Variants in FGF12 observed in about 807,000 individuals in gnomAD.
FGF12 encodes the protein fibroblast growth factor 12B.
Under a neutral mutation model 23.6 loss-of-function variants are expected in FGF12, and 14 were observed. That is an observed-to-expected ratio of 0.59 (90% confidence interval 0.39 to 0.93). The LOEUF is 0.93. Ranked by LOEUF, FGF12 falls within the 40% of genes least tolerant of loss-of-function variation. FGF12 has a pLI of 0.00. For missense variants in FGF12, 175 were observed against 217.8 expected (o/e 0.80, Z 1.24); for synonymous variants, 62 against 77.3 (o/e 0.80, Z 1.04).
intron 2 of FGF12, among the ~76,000 whole-genome samples, chr3:192,437,622 C>T (rs1290269772): frequency 1.3e-5 from 2 of 151,886 alleles, no homozygotes; most frequent in African/African-American, 4.8e-5. Flanking sequence ...ACCCAGGAGG[C>T]GGAGGTTGCA....
chr3:192,588,785 C>T (rs1175618122), intron 2 of FGF12, among the ~76,000 whole-genome samples: 1 of 151,904 alleles, frequency 6.6e-6, no homozygotes, highest in Admixed American at 6.6e-5. Context: ...GTTCACTTTC[C>T]ACTACATTAA....
At chr3:192,353,752 T>C (rs1455145282) in intron 3 of FGF12, among the ~76,000 whole-genome samples, 1 of 152,168 alleles carries the variant, frequency 6.6e-6, no homozygotes, top group African/African-American at 2.4e-5. Context: ...GGAGGAGTTA[T>C]CCCCTTATGA....
chr3:192,150,353 C>A (rs1247694668), intron 5 of FGF12, among the ~76,000 whole-genome samples: 2 of 81,748 alleles, frequency 2.4e-5, no homozygotes, highest in African/African-American at 9.6e-5. Context: ...GCTTTTGTTG[C>A]CATTGCTTTT....
At chr3:192,447,969 C>G (rs536959767) in intron 2 of FGF12, among the ~76,000 whole-genome samples, 62 of 152,336 alleles carry the variant, frequency 4.1e-4, no homozygotes, top group African/African-American at 1.5e-3. Context: ...TTCTGAACTT[C>G]ACAGCCCTTT....
chr3:192,239,962 T>G (rs1448420806), intron 4 of FGF12, among the ~76,000 whole-genome samples: 2 of 152,148 alleles, frequency 1.3e-5, no homozygotes, highest in Non-Finnish European at 2.9e-5. Flanking sequence ...AAAGTTGTAT[T>G]AGACACTATG....
intron 4 of FGF12, among the ~76,000 whole-genome samples, chr3:192,254,932 T>G (rs1712286765): frequency 6.6e-6 from 1 of 152,082 alleles, no homozygotes; most frequent in African/African-American, 2.4e-5. Flanking sequence ...TTTGCTAAGT[T>G]TCAAAATGTT....
intron 5 of FGF12, among the ~76,000 whole-genome samples, chr3:192,149,020 G>A (rs1271883904): frequency 6.6e-6 from 1 of 152,194 alleles, no homozygotes; most frequent in Non-Finnish European, 1.5e-5. Flanking sequence ...ATTTGTGTCA[G>A]AGCTTGCTGA....
intron 4 of FGF12, among the ~76,000 whole-genome samples, chr3:192,325,571 T>C (rs1716776517): frequency 6.6e-6 from 1 of 152,142 alleles, no homozygotes; most frequent in African/African-American, 2.4e-5. Context: ...ATGCCTCAGA[T>C]TTCAGAACTT....
chr3:192,257,235 C>T (rs899495774), intron 4 of FGF12, among the ~76,000 whole-genome samples: 2 of 152,050 alleles, frequency 1.3e-5, no homozygotes, highest in Admixed American at 1.3e-4. Context: ...TATCAAAAGC[C>T]CTGTCAGAGT....
At chr3:192,632,709 A>C (rs1715434326) in intron 2 of FGF12, among the ~76,000 whole-genome samples, 1 of 152,236 alleles carries the variant, frequency 6.6e-6, no homozygotes, top group Non-Finnish European at 1.5e-5. Context: ...AAAAATCATC[A>C]TCCCCATTTT....
intron 2 of FGF12, among the ~76,000 whole-genome samples, chr3:192,371,387 G>A (rs1239167610): frequency 6.6e-6 from 1 of 152,190 alleles, no homozygotes; most frequent in Non-Finnish European, 1.5e-5. Context: ...CAAACGAGCT[G>A]CATGGTATCC....
intron 2 of FGF12, among the ~76,000 whole-genome samples, chr3:192,523,231 A>T (rs1425915751): frequency 6.6e-6 from 1 of 152,166 alleles, no homozygotes; most frequent in Non-Finnish European, 1.5e-5. Flanking sequence ...GACCTAAGTG[A>T]ACATCATAAC....
chr3:192,468,319 T>C (rs1029604632), intron 2 of FGF12, among the ~76,000 whole-genome samples: 1 of 152,228 alleles, frequency 6.6e-6, no homozygotes, highest in African/African-American at 2.4e-5. Flanking sequence ...ATTCATAGTT[T>C]ACCAGATTTC....
intron 4 of FGF12, among the ~76,000 whole-genome samples, chr3:192,216,892 T>G (rs1433310550): frequency 6.6e-6 from 1 of 152,244 alleles, no homozygotes; most frequent in African/African-American, 2.4e-5. Context: ...TTCTTTGTAC[T>G]GGTAAGCATC....
chr3:192,266,251 C>G (rs2108622890), intron 4 of FGF12, among the ~76,000 whole-genome samples: 1 of 152,246 alleles, frequency 6.6e-6, no homozygotes, highest in East Asian at 1.9e-4. Flanking sequence ...TTGGTTATGT[C>G]TAAGACCCTT....
chr3:192,696,061 T>C (rs1195922830), intron 2 of FGF12, among the ~76,000 whole-genome samples: 3 of 152,062 alleles, frequency 2.0e-5, no homozygotes, highest in Non-Finnish European at 2.9e-5. Context: ...ATCTCACTAC[T>C]GCACTCCAAC....
chr3:192,623,251 G>A (rs953187762), intron 2 of FGF12, among the ~76,000 whole-genome samples: 1 of 152,180 alleles, frequency 6.6e-6, no homozygotes, highest in Non-Finnish European at 1.5e-5. Context: ...AGCACAGAGG[G>A]GGGTATCATC....
At chr3:192,717,344 A>T (rs1308263934) in intron 2 of FGF12, among the ~76,000 whole-genome samples, 2 of 152,166 alleles carry the variant, frequency 1.3e-5, no homozygotes, top group Admixed American at 6.5e-5. Flanking sequence ...GGATGACAAT[A>T]GTGCCTGCCT....
chr3:192,497,089 T>C lies in FGF12; in HGVS notation c.14-136551A>G, dbSNP rs375933810. ...ATTTTATCTTTCTATTCAATGTCTC[T>C]TCTCTACTCCATGTGAAATTTAACA... On this transcript the variant is annotated intron_variant, in intron 2 of 5. Coordinates refer to ENST00000445105, the MANE Select transcript of FGF12 (RefSeq NM_004113.6). 2.9e-3 allele frequency among the ~76,000 whole-genome samples: 443 copies of C among 152,292 alleles called. 4 individuals carry two copies. Among genetic ancestry groups the C allele is most frequent in the South Asian group, 0.023 (109 of 4,828 alleles).
Sources: gnomAD v4.1 joint callset for allele counts (sites outside exome capture counted in the v4.1 genomes callset) on GRCh38, gnomAD v4.1.1 for gene constraint, MANE v1.5 for transcripts, NCBI Gene and HGNC (gene_info 2026-07-23, HGNC 2026-07-21) for gene names.